Variants in PLAUR observed in about 807,000 individuals in gnomAD.
PLAUR encodes urokinase plasminogen activator surface receptor.
In PLAUR, 22 loss-of-function variants were observed where a neutral mutation model predicts 33.4. The observed-to-expected ratio is 0.66, with a 90% CI of 0.47 to 0.94. PLAUR has a LOEUF of 0.94. Among genes scored for constraint, PLAUR ranks in the 40% least tolerant of loss-of-function variants. The probability of loss-of-function intolerance (pLI) is 0.00; values close to 1 mark genes in which losing one functional copy is unlikely to be tolerated. For synonymous variants in PLAUR, 148 were observed against 167.3 expected (o/e 0.88, Z 0.89); for missense variants, 408 against 434.7 (o/e 0.94, Z 0.55).
intron 6 of PLAUR, 39 bp downstream of exon 6, chr19:43,652,186 C>G (rs552451770): frequency 1.1e-5 from 17 of 1,610,420 alleles, no homozygotes; most frequent in Non-Finnish European, 1.4e-5. Flanking sequence ...CTCTCCACCC[C>G]CAATAAGTGT....
In PLAUR at chr19:43,656,396, T is replaced by C. The variant is rs1974210403; in HGVS notation, c.472+83A>G. On this transcript the variant is annotated intron_variant, in intron 4 of 6. Transcript: ENST00000340093. The stretch of plus-strand genomic sequence containing the variant: ...GAACTTAGTCCCTTGCTGACATCCC[T>C]GTTACTTTGGGGTTGTTTGTTAAGT... 4 of 1,277,386 alleles carry C rather than the reference T, an allele frequency of 3.1e-6. No individual in the cohort carries two copies. The Admixed American group carries it at 7.6e-5, about 24-fold the overall frequency. The allele number at this position is 1,277,386 out of a possible 1,614,324, so 79.1% of individuals were successfully genotyped here. A position where few individuals can be genotyped will look rare whatever the true frequency, so the allele number is the denominator to read the frequency against.
intron 3 of PLAUR, chr19:43,661,400 CTT>C (rs55690043): frequency 8.0e-5 from 12 of 149,734 alleles, no homozygotes; most frequent in Admixed American, 2.0e-4. Flanking sequence ...TTTCTTTTTT[CTT>C]TTTTTTTTTT....
At position 43,649,161 on chromosome 19, in the gene PLAUR, G is replaced by T; in HGVS notation, c.755-18C>A. On this transcript the variant is annotated intron_variant, in intron 6 of 6. Coordinates refer to ENST00000340093, the MANE Select transcript of PLAUR (RefSeq NM_002659.4). ...TTTCGGTTCTGAGGAAAGAGAAGACGGAGTGAGACTTCCAGCTCCTGGGCC... is the reference window on the plus strand; with the variant it reads ...TTTCGGTTCTGAGGAAAGAGAAGACTGAGTGAGACTTCCAGCTCCTGGGCC... The T allele has an allele frequency of 1.3e-6, 2 of 1,598,020 alleles. No individual in the cohort carries two copies. The highest frequency in any genetic ancestry group is 8.6e-7 in the Non-Finnish European group (1 of 1,166,448).
At chr19:43,658,305 C>A (rs546456099) in intron 3 of PLAUR, among the ~76,000 whole-genome samples, 2 of 152,176 alleles carry the variant, frequency 1.3e-5, no homozygotes, top group Non-Finnish European at 2.9e-5. Context: ...ACCTTAGGAG[C>A]CTTCAGATGA....
intron 6 of PLAUR, 42 bp from the exon 7 acceptor site, chr19:43,649,185 C>A: frequency 6.3e-7 from 1 of 1,589,352 alleles, no homozygotes; most frequent in Non-Finnish European, 8.6e-7. Context: ...AGCTCCTGGG[C>A]CCAGGACTGG....
In PLAUR at chr19:43,652,211, G is replaced by A. The variant is rs369918002; in HGVS notation, c.754+14C>T. On this transcript the variant is annotated intron_variant, in intron 6 of 6. Coordinates refer to ENST00000340093, the MANE Select transcript of PLAUR (RefSeq NM_002659.4). ...CCAATAAGTGTTCCCTCCCAGCCTC[G>A]GAGAGGGCCTCACCGTGAGTGCCGG... 5.9e-5 allele frequency: 96 copies of A among 1,613,484 alleles called. No individual in the cohort carries two copies. Among genetic ancestry groups the A allele is most frequent in the Middle Eastern group, 5.0e-4 (3 of 5,986 alleles).
At chr19:43,668,882 C>T (rs1433470882) in intron 1 of PLAUR, among the ~76,000 whole-genome samples, 1 of 151,222 alleles carries the variant, frequency 6.6e-6, no homozygotes, top group Non-Finnish European at 1.5e-5. Flanking sequence ...TCTCCCGTAG[C>T]TCTTCCTTGA....
At chr19:43,658,426 A>G (rs1024772666) in intron 3 of PLAUR, among the ~76,000 whole-genome samples, 4 of 152,230 alleles carry the variant, frequency 2.6e-5, no homozygotes, top group Non-Finnish European at 5.9e-5. Context: ...GTGAAATAAC[A>G]CATGCTTATT....
chr19:43,649,848 C>T (rs1973921218), intron 6 of PLAUR, among the ~76,000 whole-genome samples: 2 of 152,042 alleles, frequency 1.3e-5, no homozygotes, highest in Admixed American at 1.3e-4. Flanking sequence ...GGCTTTTTCA[C>T]TCTCATAAGT....
chr19:43,667,934 T>C, intron 1 of PLAUR: 26 of 1,363,652 alleles, frequency 1.9e-5, no homozygotes, highest in Non-Finnish European at 2.5e-5. Flanking sequence ...AGTCCTGCCT[T>C]GGCCCGTTTT....
At chr19:43,658,807 C>A in intron 3 of PLAUR, among the ~76,000 whole-genome samples, 1 of 152,170 alleles carries the variant, frequency 6.6e-6, no homozygotes, top group East Asian at 1.9e-4. Context: ...GCCCAATCGT[C>A]CCCCTCAAAG....
chr19:43,655,054 T>A (rs1019535619), intron 5 of PLAUR, among the ~76,000 whole-genome samples: 1 of 151,852 alleles, frequency 6.6e-6, no homozygotes, highest in African/African-American at 2.4e-5. Flanking sequence ...GGCAGACAGA[T>A]CACTTGAGGT....
intron 5 of PLAUR, among the ~76,000 whole-genome samples, chr19:43,653,245 T>C (rs760363273): frequency 9.2e-5 from 14 of 152,214 alleles, no homozygotes; most frequent in Non-Finnish European, 1.3e-4. Flanking sequence ...ACTGACCACA[T>C]ACAGTGGTGG....
intron 5 of PLAUR, 58 bp downstream of exon 5, chr19:43,655,381 T>G (rs1288744735): frequency 1.3e-6 from 2 of 1,572,472 alleles, no homozygotes; most frequent in Non-Finnish European, 1.7e-6. Context: ...CGCAGCTGTC[T>G]GCCTGAGTGC....
intron 3 of PLAUR, among the ~76,000 whole-genome samples, chr19:43,663,800 A>C (rs1380857881): frequency 2.7e-5 from 4 of 150,926 alleles, no homozygotes; most frequent in South Asian, 2.1e-4. Context: ...AAACAAACAA[A>C]AAAAAAAAAC....
chr19:43,665,910 C>T (rs1005726426), intron 2 of PLAUR, among the ~76,000 whole-genome samples: 3 of 151,184 alleles, frequency 2.0e-5, no homozygotes, highest in African/African-American at 4.9e-5. Flanking sequence ...GTGATCCTCC[C>T]ACCTTGGCCT....
downstream of PLAUR, chr19:43,648,490 C>A: frequency 1.3e-6 from 1 of 778,850 alleles, no homozygotes; most frequent in Non-Finnish European, 1.6e-6. Flanking sequence ...TCAAACATGA[C>A]CCCTGATTCC....
chr19:43,668,373 TA>T (rs1326094431), intron 1 of PLAUR: 1 of 913,826 alleles, frequency 1.1e-6, no homozygotes, highest in African/African-American at 1.8e-5. Context: ...CCCCGCCCTT[TA>T]GCTCTTCCTG....
chr19:43,648,584 T>A lies in PLAUR; in HGVS notation c.*306A>T. 9.9e-7 allele frequency: 1 copy of A among 1,009,216 alleles called. No homozygotes were observed. Among genetic ancestry groups the A allele is most frequent in the Non-Finnish European group, 1.2e-6 (1 of 834,948 alleles). The allele number at this position is 1,009,216 out of a possible 1,614,324, so 62.5% of individuals were successfully genotyped here. A position where few individuals can be genotyped will look rare whatever the true frequency, so the allele number is the denominator to read the frequency against. ...GAAGGGCATACCTGGCCTTGTCCAC[T>A]GGTACAAAATCTTTATGTAAGTATA... is the stretch of plus-strand genomic sequence containing the variant. On this transcript the variant is annotated 3_prime_UTR_variant, in exon 7 of 7. Transcript: ENST00000340093.
Sources: allele counts gnomAD v4.1 joint callset (sites outside exome capture counted in the v4.1 genomes callset), GRCh38; gene constraint gnomAD v4.1.1; transcripts MANE v1.5; gene names NCBI Gene and HGNC (gene_info 2026-07-23, HGNC 2026-07-21).